The following ASIC2 variants were observed in gnomAD, a reference collection of about 807,000 sequenced individuals.
ASIC2 encodes the protein acid sensing ion channel subunit 2.
A neutral mutation model predicts 57.3 loss-of-function variants in ASIC2; 25 were observed. The ratio of observed to expected loss-of-function variants is 0.44; its 90% confidence interval spans 0.32 to 0.61. The LOEUF (loss-of-function observed/expected upper bound fraction) is 0.61. Among genes scored for constraint, ASIC2 ranks in the 20% least tolerant of loss-of-function variants. The pLI is 0.06. For missense variants in ASIC2, 641 were observed against 738.1 expected, an observed-to-expected ratio of 0.87 and a Z score of 1.52; for synonymous variants, 319 against 307.5, an observed-to-expected ratio of 1.04 and a Z score of -0.39.
At chr17:33,573,954 T>G (rs1469811058) in intron 1 of ASIC2, among the ~76,000 whole-genome samples, 1 of 152,228 alleles carries the variant, frequency 6.6e-6, no homozygotes, top group Non-Finnish European at 1.5e-5. Context: ...TTTCTGGTAT[T>G]CAGCCACGTT....
At chr17:33,128,167 A>G (rs1028218844) in intron 1 of ASIC2, among the ~76,000 whole-genome samples, 1 of 152,214 alleles carries the variant, frequency 6.6e-6, no homozygotes, top group African/African-American at 2.4e-5. Context: ...AATGGCTGAC[A>G]TGCCCTCCTG....
At chr17:33,215,217 G>T (rs1907429562) in intron 1 of ASIC2, among the ~76,000 whole-genome samples, 1 of 152,208 alleles carries the variant, frequency 6.6e-6, no homozygotes, top group Non-Finnish European at 1.5e-5. Context: ...GTAAAATGGG[G>T]ATTCTCATAC....
intron 1 of ASIC2, among the ~76,000 whole-genome samples, chr17:33,405,927 C>A (rs534874569): frequency 1.3e-5 from 2 of 152,248 alleles, no homozygotes; most frequent in South Asian, 2.1e-4. Flanking sequence ...TAGAGACGAC[C>A]CTGCCAGCCC....
chr17:34,021,271 C>T (rs1344865979), intron 1 of ASIC2, among the ~76,000 whole-genome samples: 1 of 152,052 alleles, frequency 6.6e-6, no homozygotes, highest in Non-Finnish European at 1.5e-5. Flanking sequence ...AAAAAATAGA[C>T]TACTGCCATC....
intron 1 of ASIC2, chr17:34,146,626 G>A (rs1437481140): frequency 6.6e-6 from 1 of 152,190 alleles, no homozygotes; most frequent in East Asian, 1.9e-4. Flanking sequence ...GTCAGTCACT[G>A]GCCACTGGCT....
chr17:33,533,502 C>T (rs1915124986), intron 1 of ASIC2: 1 of 152,182 alleles, frequency 6.6e-6, no homozygotes, highest in African/African-American at 2.4e-5. Context: ...AGGGCCATGA[C>T]ATCTTCTCTA....
chr17:33,682,236 T>A (rs916274614), intron 1 of ASIC2, among the ~76,000 whole-genome samples: 3 of 151,774 alleles, frequency 2.0e-5, no homozygotes, highest in African/African-American at 7.3e-5. Flanking sequence ...ATTTTTTTTT[T>A]TTTTATTTTT....
At chr17:33,228,790 C>T (rs1372142648) in intron 1 of ASIC2, among the ~76,000 whole-genome samples, 10 of 152,350 alleles carry the variant, frequency 6.6e-5, no homozygotes, top group African/African-American at 2.4e-4. Flanking sequence ...CCTGTTGGAT[C>T]CACCAGCTCT....
chr17:33,056,676 T>C (rs889565651), intron 3 of ASIC2, among the ~76,000 whole-genome samples: 1 of 152,318 alleles, frequency 6.6e-6, no homozygotes, highest in South Asian at 2.1e-4. Flanking sequence ...ACAGTTCCCA[T>C]CTGGGATTGC....
chr17:33,421,801 C>T (rs544918767), intron 1 of ASIC2, among the ~76,000 whole-genome samples: 14 of 152,188 alleles, frequency 9.2e-5, no homozygotes, highest in Non-Finnish European at 1.6e-4. Flanking sequence ...GCCTTCAGTG[C>T]AAGGTCCAGG....
chr17:33,623,860 G>T (rs1011350488), intron 1 of ASIC2, among the ~76,000 whole-genome samples: 2 of 152,000 alleles, frequency 1.3e-5, no homozygotes, highest in Non-Finnish European at 2.9e-5. Flanking sequence ...ATTTGACTTG[G>T]CTGGAATCCA....
intron 1 of ASIC2, among the ~76,000 whole-genome samples, chr17:33,918,686 G>A (rs541671736): frequency 6.6e-6 from 1 of 152,306 alleles, no homozygotes; most frequent in Non-Finnish European, 1.5e-5. Flanking sequence ...GGAAAAGAGG[G>A]TAGACCTTCA....
chr17:33,701,175 A>G (rs4433850), intron 1 of ASIC2, among the ~76,000 whole-genome samples: 29,260 of 152,012 alleles, frequency 0.19, 3,394 homozygotes, highest in African/African-American at 0.33. Flanking sequence ...GATTCTTCAG[A>G]TTAAAAACCT....
At chr17:34,155,907 C>T in intron 1 of ASIC2, 2 of 1,514,238 alleles carry the variant, frequency 1.3e-6, no homozygotes, top group Non-Finnish European at 1.8e-6. Flanking sequence ...AACCCCAAAC[C>T]AAGCAGGAGA....
Position 33,121,919 on chromosome 17 carries a change from C to G in ASIC2, c.709-9852G>C, listed in dbSNP as rs1005572005. Among the ~76,000 whole-genome samples the G allele has an allele frequency of 2.6e-5, 4 of 152,330 alleles. No homozygotes were observed. The East Asian group carries it at 7.7e-4, about 29-fold the overall frequency. On this transcript the variant is annotated intron_variant, in intron 1 of 9. Transcript: ENST00000225823. ...ATCTCCCCAAGGCTGGCTCTCTGAT[C>G]TGCCCACTGCCAACACATCACCAGA...
At chr17:33,471,681 CTT>C (rs1218083764) in intron 1 of ASIC2, among the ~76,000 whole-genome samples, 1 of 152,040 alleles carries the variant, frequency 6.6e-6, no homozygotes, top group Non-Finnish European at 1.5e-5. Flanking sequence ...AATGGCCAGA[CTT>C]TTGAGAGAAT....
intron 1 of ASIC2, among the ~76,000 whole-genome samples, chr17:34,096,047 T>C (rs1910536552): frequency 6.6e-6 from 1 of 152,242 alleles, no homozygotes; most frequent in South Asian, 2.1e-4. Context: ...CGTAGCTTTC[T>C]GACTTCATGT....
At chr17:33,941,236 A>G (rs1197265767) in intron 1 of ASIC2, among the ~76,000 whole-genome samples, 1 of 152,164 alleles carries the variant, frequency 6.6e-6, no homozygotes, top group East Asian at 1.9e-4. Context: ...ATGAGCAGGA[A>G]GGACACTTGC....
chr17:33,202,057 A>C (rs1157040010), intron 1 of ASIC2, among the ~76,000 whole-genome samples: 1 of 151,638 alleles, frequency 6.6e-6, no homozygotes, highest in Non-Finnish European at 1.5e-5. Context: ...AGAAAAAAGA[A>C]AAAAAAAGGT....
Sources: gnomAD v4.1 joint callset for allele counts (sites outside exome capture counted in the v4.1 genomes callset) on GRCh38, gnomAD v4.1.1 for gene constraint, MANE v1.5 for transcripts, NCBI Gene and HGNC (gene_info 2026-07-23, HGNC 2026-07-21) for gene names.